The following NEB variants were observed in gnomAD, a reference collection of about 807,000 sequenced individuals.
NEB encodes the protein nemaline myopathy type 2.
NEB carries 512 observed loss-of-function variants against 952.2 expected under a neutral mutation model. The observed-to-expected ratio is 0.54, with a 90% confidence interval of 0.50 to 0.58. NEB has a LOEUF of 0.58. Ranked by LOEUF, NEB falls within the 20% of genes least tolerant of loss-of-function variation. The pLI, the probability that NEB is intolerant of heterozygous loss-of-function variation, is 0.00. For missense variants in NEB, 8,428 were observed against 9,231.1 expected, an observed-to-expected ratio of 0.91 and a Z score of 3.56; for synonymous variants, 2,900 against 3,149.8, an observed-to-expected ratio of 0.92 and a Z score of 2.66.
At chr2:151,693,321 A>G (rs1448740402) in intron 20 of NEB, among the ~76,000 whole-genome samples, 1 of 152,086 alleles carries the variant, frequency 6.6e-6, no homozygotes, top group Non-Finnish European at 1.5e-5. Flanking sequence ...TTTGTTACAT[A>G]GGGAAGCGTG....
intron 65 of NEB, among the ~76,000 whole-genome samples, chr2:151,633,255 C>A (rs1352607227): frequency 6.6e-6 from 1 of 152,120 alleles, no homozygotes; most frequent in East Asian, 1.9e-4. Flanking sequence ...TCTTTTATTT[C>A]ATAAGCATAA....
chr2:151,723,550 T>C, intron 8 of NEB, 64 bp from the exon 9 acceptor site: 1 of 1,184,660 alleles, frequency 8.4e-7, no homozygotes, highest in East Asian at 2.5e-5. Context: ...AATACATAGT[T>C]TTGAATTCAT....
chr2:151,500,651 C>T (rs2063772105), intron 168 of NEB, among the ~76,000 whole-genome samples: 1 of 134,592 alleles, frequency 7.4e-6, no homozygotes, highest in African/African-American at 2.7e-5. Context: ...GGCTGGAGTA[C>T]AGTGGCACAA....
At chr2:151,505,328 C>T (rs2067971990) in intron 165 of NEB, 150 bp downstream of exon 165, 1 of 626,204 alleles carries the variant, frequency 1.6e-6, no homozygotes, top group Non-Finnish European at 2.7e-6. Flanking sequence ...CTTTTGCAAC[C>T]TGTAGTGACC....
At chr2:151,510,233 C>T (rs2073049370) in intron 161 of NEB, among the ~76,000 whole-genome samples, 1 of 152,012 alleles carries the variant, frequency 6.6e-6, no homozygotes, top group African/African-American at 2.4e-5. Flanking sequence ...TTTGTGGAGG[C>T]CTGGGGAGTT....
chr2:151,512,782 T>A lies in NEB; in HGVS notation c.23297A>T (p.Asp7766Val), dbSNP rs1318366761. 6.2e-7 allele frequency: 1 copy of A among 1,613,944 alleles called. No homozygotes were observed. Among genetic ancestry groups the A allele is most frequent in the South Asian group, 1.1e-5 (1 of 91,064 alleles). ...TTGGGCATGAATGATCTCTGGAGTATCAACCACAGAAGTGAAATTGGCTTT... is the reference window on the plus strand; with the variant it reads ...TTGGGCATGAATGATCTCTGGAGTAACAACCACAGAAGTGAAATTGGCTTT... ...MEKANFTSVV[D>V]TPEIIHAQQV... is the part of the protein sequence containing the mutation. The change falls in exon 161 of 182, where the codon GAT becomes GTT. Residue 7766 changes from aspartate to valine, a missense_variant. Asp to Val is a radical substitution (Grantham distance 152). Transcript: ENST00000397345.
rs770153434 is a variant in NEB, at chr2:151,568,380, T to G, written c.17672A>C (p.Lys5891Thr). 23 of 1,613,180 alleles carry G rather than the reference T, an allele frequency of 1.4e-5. No individual in the cohort carries two copies. In the South Asian group the frequency reaches 2.0e-4, roughly 14 times the overall value. ...YRKDWNATKS[K>T]YTLTETPLLH... is the part of the protein sequence containing the mutation. Reference sequence around the variant, plus strand: ...CAGGGGGGTTTCTGTGAGGGTGTACTTTGATTTGGTGGCATTCCAGTCTTT... The same window carrying G: ...CAGGGGGGTTTCTGTGAGGGTGTACGTTGATTTGGTGGCATTCCAGTCTTT... Residue 5891 changes from lysine to threonine, a missense_variant, in exon 112 of 182, where the codon AAG becomes ACG. Lys to Thr is a moderately conservative substitution (Grantham distance 78). Coordinates refer to ENST00000397345, the MANE Select transcript of NEB (RefSeq NM_001164508.2).
intron 8 of NEB, among the ~76,000 whole-genome samples, chr2:151,724,011 T>C (rs1384233465): frequency 1.3e-5 from 2 of 152,052 alleles, no homozygotes; most frequent in Non-Finnish European, 2.9e-5. Flanking sequence ...ACCTTTATTC[T>C]CCACAGACAC....
intron 38 of NEB, among the ~76,000 whole-genome samples, chr2:151,670,652 T>C (rs1374697763): frequency 1.3e-5 from 2 of 152,230 alleles, no homozygotes; most frequent in African/African-American, 4.8e-5. Flanking sequence ...GCCTCTTCCC[T>C]ATGTGGCTAG....
At chr2:151,684,074 T>C (rs2099461502) in intron 28 of NEB, among the ~76,000 whole-genome samples, 1 of 151,838 alleles carries the variant, frequency 6.6e-6, no homozygotes, top group Admixed American at 6.6e-5. Context: ...AGAAGGAAAA[T>C]GGGAGTTGCT....
chr2:151,508,856 A>G (rs2071511260), intron 161 of NEB, among the ~76,000 whole-genome samples: 1 of 152,334 alleles, frequency 6.6e-6, no homozygotes, highest in South Asian at 2.1e-4. Flanking sequence ...TCTTCCAGAC[A>G]CCAGTGGGCA....
rs1341056444 is a variant in NEB at position 151,591,883 on chromosome 2, G to C, written c.14826+151C>G. The C allele has an allele frequency of 3.8e-6, 5 of 1,329,404 alleles. No individual in the cohort carries two copies. The African/African-American group carries it at 7.3e-5, about 19-fold the overall frequency. The allele number at this position is 1,329,404 out of a possible 1,614,324, so 82.4% of individuals were successfully genotyped here. On this transcript the variant is annotated intron_variant, in intron 95 of 181. Coordinates refer to ENST00000397345, the MANE Select transcript of NEB (RefSeq NM_001164508.2). ...GATGTACATTACACAGACACACGCA[G>C]ACCCACACAGCTACTTATCATTAAC...
At chr2:151,574,567 C>T (rs2096763687) in intron 107 of NEB, among the ~76,000 whole-genome samples, 1 of 152,018 alleles carries the variant, frequency 6.6e-6, no homozygotes, top group South Asian at 2.1e-4. Context: ...TGAGCCTTTT[C>T]TTCTTGTTCT....
rs764985237 is a variant in NEB, at chr2:151,567,344, G to C, written c.17980C>G (p.His5994Asp). The C allele has an allele frequency of 3.1e-6, 5 of 1,613,882 alleles. No homozygotes were observed. Among genetic ancestry groups the C allele is most frequent in the Non-Finnish European group, 3.4e-6 (4 of 1,179,842 alleles). ...QNERLYKEDY[H>D]KTKAKINIPA... ...ATATTGATTTTGGCCTTTGTTTTGT[G>C]ATAGTCCTCTTTGTATAGTCTCTCA... The change falls in exon 114 of 182, where the codon CAC (histidine) becomes GAC (aspartate). Residue 5994 changes from histidine to aspartate, a missense_variant. Physicochemically the swap from His to Asp is moderately conservative, Grantham distance 81 (BLOSUM62 -1). Coordinates refer to ENST00000397345, the MANE Select transcript of NEB (RefSeq NM_001164508.2).
chr2:151,696,565 T>C, intron 17 of NEB, 72 bp downstream of exon 17: 2 of 1,172,314 alleles, frequency 1.7e-6, no homozygotes, highest in East Asian at 2.4e-5. Context: ...GATAAGTCAT[T>C]GGATTTTATG....
At chr2:151,660,908 T>C (rs2099139702) in intron 46 of NEB, among the ~76,000 whole-genome samples, 1 of 152,236 alleles carries the variant, frequency 6.6e-6, no homozygotes, top group Non-Finnish European at 1.5e-5. Flanking sequence ...ACTTGAAATG[T>C]AGCTAATGTG....
intron 127 of NEB, 109 bp downstream of exon 127, chr2:151,553,289 A>T: frequency 1.1e-6 from 1 of 885,348 alleles, no homozygotes; most frequent in South Asian, 1.4e-5. Context: ...CAGCTCAGCC[A>T]CCCCCCAGAG....
chr2:151,496,871 T>C, intron 172 of NEB, 70 bp downstream of exon 172: 1 of 1,419,076 alleles, frequency 7.0e-7, no homozygotes, highest in South Asian at 1.3e-5. Flanking sequence ...AGGATTAATA[T>C]GTATTATTTT....
In NEB at chr2:151,574,179, T is replaced by A. The variant is rs1395630527; in HGVS notation, c.17013+1516A>T. On this transcript the variant is annotated intron_variant, in intron 107 of 181. Transcript: ENST00000397345. ...TTAGTAGAGACAGGGTTTCACCGTG[T>A]TAGGCAGGATGGTCTCGATCTCCTG... is the stretch of plus-strand genomic sequence containing the variant. Among the ~76,000 whole-genome samples the A allele has an allele frequency of 7.9e-5, 12 of 152,214 alleles. No homozygotes were observed. The South Asian group carries it at 2.3e-3, about 29-fold the overall frequency.
Sources: gnomAD v4.1 joint callset for allele counts (sites outside exome capture counted in the v4.1 genomes callset) on GRCh38, gnomAD v4.1.1 for gene constraint, MANE v1.5 for transcripts, NCBI Gene and HGNC (gene_info 2026-07-23, HGNC 2026-07-21) for gene names.